DNAJC24: variants seen among roughly 807,000 people sequenced by gnomAD.
DNAJC24 encodes the protein DnaJ heat shock protein family (Hsp40) member C24, also known as dnaJ homolog subfamily C member 24.
DNAJC24 carries 17 observed loss-of-function variants against 18.0 expected under a neutral mutation model. The observed-to-expected ratio is 0.94, with a 90% CI of 0.65 to 1.42. The LOEUF is 1.42. Ranked by LOEUF, DNAJC24 falls within the 40% of genes most tolerant of loss-of-function variation. DNAJC24 has a pLI of 0.00. For missense variants in DNAJC24, 158 were observed against 175.6 expected, an observed-to-expected ratio of 0.90 and a Z score of 0.57; for synonymous variants, 55 against 57.7, an observed-to-expected ratio of 0.95 and a Z score of 0.21.
Position 31,432,824 on chromosome 11 carries a change from T to C in DNAJC24, c.*2423T>C, listed in dbSNP as rs1591928368. On this transcript the variant is annotated 3_prime_UTR_variant, in exon 5 of 5. Transcript: ENST00000465995. ...TATGTGTGTGGTGTGTGAATAAATATGTATGAATATATGGTCTGTGTTTTC... is the reference window on the plus strand; with the variant it reads ...TATGTGTGTGGTGTGTGAATAAATACGTATGAATATATGGTCTGTGTTTTC... Among the ~76,000 whole-genome samples, 7 of 152,338 alleles carry C rather than the reference T, an allele frequency of 4.6e-5. 1 individual carries two copies. Among genetic ancestry groups the C allele is most frequent in the Admixed American group, 4.6e-4 (7 of 15,310 alleles).
At chr11:31,408,157 C>T (rs1247186443) in intron 2 of DNAJC24, 6 of 456,126 alleles carry the variant, frequency 1.3e-5, no homozygotes, top group Admixed American at 2.3e-5. Flanking sequence ...CTTGGAAGGA[C>T]GCATCTGTCA....
intron 3 of DNAJC24, among the ~76,000 whole-genome samples, chr11:31,423,550 A>G (rs571873522): frequency 3.7e-4 from 57 of 152,174 alleles, no homozygotes; most frequent in Non-Finnish European, 7.6e-4. Flanking sequence ...CATAAGCCAC[A>G]GTGCCTGACC....
chr11:31,407,818 G>C (rs540762073), intron 2 of DNAJC24, among the ~76,000 whole-genome samples: 1 of 147,234 alleles, frequency 6.8e-6, no homozygotes, highest in Non-Finnish European at 1.5e-5. Context: ...TCATTTCTTA[G>C]TTGAAAAACT....
chr11:31,399,909 C>T (rs928101621), intron 2 of DNAJC24, among the ~76,000 whole-genome samples: 1 of 152,026 alleles, frequency 6.6e-6, no homozygotes, highest in African/African-American at 2.4e-5. Context: ...TCTCCCTCCC[C>T]CTGTCCTCCA....
chr11:31,389,225 G>C (rs1952462595), intron 2 of DNAJC24, among the ~76,000 whole-genome samples: 1 of 151,936 alleles, frequency 6.6e-6, no homozygotes, highest in South Asian at 2.1e-4. Flanking sequence ...GAATGAATTA[G>C]AAAAAACAAG....
At position 31,374,097 on chromosome 11, in the gene DNAJC24, G is replaced by A. The variant is rs781155752; in HGVS notation, c.111+3238G>A. On this transcript the variant is annotated intron_variant, in intron 2 of 4. Transcript: ENST00000465995. ...TATGTCTTGTATTTCCTTTTCTTAC[G>A]TTAAGGCACTAGCTGGTTGCTTCTA... is the stretch of plus-strand genomic sequence containing the variant. 10 of 387,792 alleles carry A rather than the reference G, an allele frequency of 2.6e-5. 1 individual carries two copies. Among genetic ancestry groups the A allele is most frequent in the Admixed American group, 1.1e-4 (4 of 37,862 alleles). 24.0% of individuals were successfully genotyped at this position (387,792 alleles called of 1,614,324 possible). A position where few individuals can be genotyped will look rare whatever the true frequency, so the allele number is the denominator to read the frequency against.
At chr11:31,378,475 C>T (rs1187535936) in intron 2 of DNAJC24, among the ~76,000 whole-genome samples, 1 of 152,136 alleles carries the variant, frequency 6.6e-6, no homozygotes, top group Non-Finnish European at 1.5e-5. Flanking sequence ...GTAATCACTT[C>T]ATGTGAATTA....
intron 2 of DNAJC24, among the ~76,000 whole-genome samples, chr11:31,413,239 ACTATT>A (rs1952724571): frequency 1.3e-5 from 2 of 152,244 alleles, no homozygotes; most frequent in South Asian, 4.1e-4. Context: ...TTAAAAAAAA[ACTATT>A]CTACATTAAA....
chr11:31,409,642 A>G (rs11031378), intron 2 of DNAJC24, among the ~76,000 whole-genome samples: 59,363 of 151,944 alleles, frequency 0.39, 12,040 homozygotes, highest in African/African-American at 0.48. Context: ...GTATTTACCT[A>G]TTCTGCAGTT....
At chr11:31,383,071 C>T (rs1411806027) in intron 2 of DNAJC24, among the ~76,000 whole-genome samples, 1 of 152,052 alleles carries the variant, frequency 6.6e-6, no homozygotes, top group Non-Finnish European at 1.5e-5. Context: ...GTCCCCAGTG[C>T]AGAAGCTGTG....
intron 4 of DNAJC24, 47 bp from the exon 5 acceptor site, chr11:31,430,224 G>C: frequency 1.3e-6 from 2 of 1,545,872 alleles, no homozygotes; most frequent in Non-Finnish European, 1.8e-6. Flanking sequence ...TATTAGTGAG[G>C]TAGTTACTTA....
chr11:31,430,398 C>T lies in DNAJC24; in HGVS notation c.447C>T (p.Asn149=). The change falls in exon 5 of 5, where the codon AAC becomes AAT. Residue 149 remains asparagine (N), a synonymous_variant. Coordinates refer to ENST00000465995, the MANE Select transcript of DNAJC24 (RefSeq NM_181706.5). ...TAATTATAGAACTCCTTCATTATAA[C>T]TAAAATTGTTCACAACTTGAAATGC... ...CSLIIELLHY[N] The T allele has an allele frequency of 6.2e-7, 1 of 1,600,802 alleles. No homozygotes were observed. The highest frequency in any genetic ancestry group is 2.2e-5 in the East Asian group (1 of 44,468).
chr11:31,377,777 T>C (rs1357670437), intron 2 of DNAJC24, among the ~76,000 whole-genome samples: 1 of 152,070 alleles, frequency 6.6e-6, no homozygotes, highest in African/African-American at 2.4e-5. Flanking sequence ...CCTGATAATA[T>C]TACAGGATAC....
rs368909660 is a variant in DNAJC24 at position 31,419,815 on chromosome 11, T to A, written c.250+4866T>A. Among the ~76,000 whole-genome samples, 7 of 152,110 alleles carry A rather than the reference T, an allele frequency of 4.6e-5. No individual in the cohort carries two copies. In the East Asian group the frequency reaches 1.3e-3, roughly 29 times the overall value. ...TACTTCTACTTTGCTCCATTTACAGTCAATGAATCAGAAATGCCAGTTGAC... is the reference window on the plus strand; with the variant it reads ...TACTTCTACTTTGCTCCATTTACAGACAATGAATCAGAAATGCCAGTTGAC... On this transcript the variant is annotated intron_variant, in intron 3 of 4. Transcript: ENST00000465995.
At chr11:31,397,724 C>T (rs1328398016) in intron 2 of DNAJC24, among the ~76,000 whole-genome samples, 1 of 152,136 alleles carries the variant, frequency 6.6e-6, no homozygotes, top group Non-Finnish European at 1.5e-5. Context: ...ACAGCATTTC[C>T]TCACCAACTG....
chr11:31,373,170 A>T, intron 2 of DNAJC24, among the ~76,000 whole-genome samples: 1 of 134,040 alleles, frequency 7.5e-6, no homozygotes. Context: ...TTTGATGCAG[A>T]GTTTTTTGTT....
intron 4 of DNAJC24, among the ~76,000 whole-genome samples, chr11:31,429,289 A>T (rs1952895433): frequency 6.6e-6 from 1 of 151,730 alleles, no homozygotes; most frequent in Non-Finnish European, 1.5e-5. Context: ...GCTGAACTTG[A>T]TAAGAGAGCA....
intron 2 of DNAJC24, among the ~76,000 whole-genome samples, chr11:31,381,583 T>A (rs1358441045): frequency 6.6e-6 from 1 of 151,748 alleles, no homozygotes; most frequent in Non-Finnish European, 1.5e-5. Context: ...AAATTTTTTT[T>A]TTTTTTTTTG....
rs1334348515 is a variant in DNAJC24, at chr11:31,414,916, G to A, written c.217G>A (p.Glu73Lys). ...DQAWKILGNE[E>K]TKREYDLQRC... ...AGCATGGAAAATTCTAGGAAATGAA[G>A]AGACAAAAAGAGAGTATGACCTGCA... is the stretch of plus-strand genomic sequence containing the variant. The change falls in exon 3 of 5, where the codon GAG (glutamate) becomes AAG (lysine). Residue 73 changes from glutamate (E) to lysine (K), a missense_variant. Coordinates refer to ENST00000465995, the MANE Select transcript of DNAJC24 (RefSeq NM_181706.5). The A allele has an allele frequency of 6.2e-7, 1 of 1,613,956 alleles. No homozygotes were observed. The highest frequency in any genetic ancestry group is 1.3e-5 in the African/African-American group (1 of 75,040).
Sources: gnomAD v4.1 joint callset for allele counts (sites outside exome capture counted in the v4.1 genomes callset) on GRCh38, gnomAD v4.1.1 for gene constraint, MANE v1.5 for transcripts, NCBI Gene and HGNC (gene_info 2026-07-23, HGNC 2026-07-21) for gene names.